The following MAN2B2 variants were observed in gnomAD, a reference collection of about 807,000 sequenced individuals.
MAN2B2 encodes mannosidase alpha class 2B member 2.
Under a neutral mutation model 117.1 loss-of-function variants are expected in MAN2B2, and 106 were observed. That is an observed-to-expected ratio of 0.90 (90% CI 0.77 to 1.06). The LOEUF (loss-of-function observed/expected upper bound fraction) is 1.06. Ranked by LOEUF, MAN2B2 falls within the 50% of genes least tolerant of loss-of-function variation. The probability of loss-of-function intolerance (pLI) is 0.00; values close to 1 mark genes in which losing one functional copy is unlikely to be tolerated. For missense variants in MAN2B2, 1,326 were observed against 1,381.4 expected (o/e 0.96, Z 0.64); for synonymous variants, 544 against 595.1 (o/e 0.91, Z 1.25).
chr4:6,600,540 C>T (rs967078580), intron 9 of MAN2B2, 83 bp from the exon 10 acceptor site: 29 of 1,516,226 alleles, frequency 1.9e-5, no homozygotes, highest in Non-Finnish European at 2.4e-5. Flanking sequence ...CTCAGTTTCC[C>T]TCATACTGAG....
chr4:6,581,100 G>C (rs758353700), intron 3 of MAN2B2, among the ~76,000 whole-genome samples: 2 of 152,016 alleles, frequency 1.3e-5, no homozygotes, highest in Non-Finnish European at 2.9e-5. Context: ...CAGTCCTCAG[G>C]GCAATCTGGT....
chr4:6,579,057 CCACCA>C (rs1726200473), intron 3 of MAN2B2, among the ~76,000 whole-genome samples: 1 of 88,996 alleles, frequency 1.1e-5, no homozygotes, highest in Admixed American at 1.1e-4. Context: ...ACCATCACCA[CCACCA>C]TCACCATCAC....
chr4:6,607,341 G>A (rs987094241), intron 11 of MAN2B2, among the ~76,000 whole-genome samples: 1 of 152,084 alleles, frequency 6.6e-6, no homozygotes, highest in South Asian at 2.1e-4. Context: ...TGAGTAGCTG[G>A]GATTACATGT....
intron 17 of MAN2B2, chr4:6,618,660 C>T (rs1369850559): frequency 6.6e-6 from 1 of 152,376 alleles, no homozygotes; most frequent in Admixed American, 6.5e-5. Flanking sequence ...CACGCTCCCT[C>T]CCCAGAAGGC....
At position 6,576,694 on chromosome 4, in the gene MAN2B2, T is replaced by C. The variant is rs1560632440; in HGVS notation, c.255T>C (p.Asp85=). The change falls in exon 2 of 19, where the codon GAT becomes GAC. Residue 85 remains aspartate, a synonymous_variant. Transcript: ENST00000285599. Reference sequence around the variant, plus strand: ...AGGAGTTTTTCCGGCTGTGGTGGGATGGCGTCGCCTCGGACCAGCAGAAAT... The same window carrying C: ...AGGAGTTTTTCCGGCTGTGGTGGGACGGCGTCGCCTCGGACCAGCAGAAAT... ...VEQEFFRLWW[D]GVASDQQKYQ... The C allele has an allele frequency of 6.2e-7, 1 of 1,613,938 alleles. No individual in the cohort carries two copies. The highest frequency in any genetic ancestry group is 2.2e-5 in the East Asian group (1 of 44,862).
chr4:6,616,402 C>T (rs749955142), intron 16 of MAN2B2, among the ~76,000 whole-genome samples: 4 of 152,154 alleles, frequency 2.6e-5, no homozygotes, highest in Admixed American at 6.5e-5. Flanking sequence ...GGGTGGCTGG[C>T]GTATGCTGCA....
chr4:6,614,456 T>C (rs919453831), intron 16 of MAN2B2, 101 bp downstream of exon 16: 9 of 1,405,838 alleles, frequency 6.4e-6, no homozygotes, highest in African/African-American at 4.3e-5. Flanking sequence ...AGAGCTATCA[T>C]GGCTCTGCAA....
intron 18 of MAN2B2, chr4:6,620,346 C>T (rs562205858): frequency 2.3e-5 from 7 of 308,588 alleles, no homozygotes; most frequent in Middle Eastern, 1.1e-3. Flanking sequence ...GGCTTCTGCC[C>T]ACCTTGGCCC....
rs765802185 is a variant in MAN2B2 at position 6,610,910 on chromosome 4, A to G, written c.2290A>G (p.Met764Val). 2.5e-6 allele frequency: 4 copies of G among 1,614,192 alleles called. No homozygotes were observed. The highest frequency in any genetic ancestry group is 4.5e-5 in the East Asian group (2 of 44,880). The stretch of plus-strand genomic sequence containing the variant: ...CTACCCCATGGTTCAGTCGGCCTTC[A>G]TGGAGGATGGCAAAAGCAGGCTTGT... ...NYYPMVQSAF[M>V]EDGKSRLVLL... Residue 764 changes from methionine to valine, a missense_variant, in exon 14 of 19, where the codon ATG (methionine) becomes GTG (valine). Coordinates refer to ENST00000285599, the MANE Select transcript of MAN2B2 (RefSeq NM_015274.3).
intron 11 of MAN2B2, 124 bp from the exon 12 acceptor site, chr4:6,608,983 C>G: frequency 1.2e-6 from 1 of 813,212 alleles, no homozygotes; most frequent in Non-Finnish European, 1.9e-6. Context: ...TGAGCTGAGT[C>G]ACATGGCCTC....
At chr4:6,603,289 T>G (rs1727406527) in intron 10 of MAN2B2, among the ~76,000 whole-genome samples, 1 of 151,930 alleles carries the variant, frequency 6.6e-6, no homozygotes, top group Non-Finnish European at 1.5e-5. Context: ...GAGGAGGGGC[T>G]GACATCACTC....
chr4:6,579,301 T>G (rs200367771), intron 3 of MAN2B2, among the ~76,000 whole-genome samples: 1 of 15,802 alleles, frequency 6.3e-5, no homozygotes, highest in Admixed American at 7.3e-4. Context: ...ACCACCACCA[T>G]CACCACCACC....
intron 4 of MAN2B2, 136 bp downstream of exon 4, chr4:6,587,304 GT>G: frequency 1.8e-6 from 2 of 1,089,016 alleles, no homozygotes; most frequent in Non-Finnish European, 2.6e-6. Flanking sequence ...CCGCGGGGCT[GT>G]CCCCTAACCT....
chr4:6,584,173 G>A (rs1488588634), intron 3 of MAN2B2, among the ~76,000 whole-genome samples: 2 of 152,228 alleles, frequency 1.3e-5, no homozygotes, highest in Non-Finnish European at 2.9e-5. Context: ...GGTGGGGGAA[G>A]AGCCCTCCCC....
At chr4:6,605,762 A>G (rs1041713141) in intron 11 of MAN2B2, among the ~76,000 whole-genome samples, 1 of 151,192 alleles carries the variant, frequency 6.6e-6, no homozygotes, top group Non-Finnish European at 1.5e-5. Context: ...TTATCCATCC[A>G]TCCACCCAAT....
At chr4:6,614,894 G>C (rs1217605534) in intron 16 of MAN2B2, among the ~76,000 whole-genome samples, 2 of 152,344 alleles carry the variant, frequency 1.3e-5, no homozygotes, top group East Asian at 1.9e-4. Flanking sequence ...AGGCAGTAAT[G>C]ACAAGGACAA....
chr4:6,603,352 G>A (rs1727408930), intron 10 of MAN2B2, among the ~76,000 whole-genome samples: 2 of 151,732 alleles, frequency 1.3e-5, no homozygotes, highest in South Asian at 4.2e-4. Context: ...CCTGGGCTGG[G>A]TGCTGGGCCC....
chr4:6,617,161 C>G (rs1208447332), intron 16 of MAN2B2, among the ~76,000 whole-genome samples: 2 of 152,158 alleles, frequency 1.3e-5, no homozygotes, highest in Non-Finnish European at 2.9e-5. Flanking sequence ...AAGACTCACC[C>G]CCATGATTCA....
chr4:6,609,086 T>A (rs200178584), intron 11 of MAN2B2, 21 bp from the exon 12 acceptor site: 2 of 1,603,182 alleles, frequency 1.2e-6, no homozygotes, highest in African/African-American at 1.3e-5. Context: ...GAATGACATC[T>A]TCTCTCTCCT....
Sources: allele counts gnomAD v4.1 joint callset (sites outside exome capture counted in the v4.1 genomes callset), GRCh38; gene constraint gnomAD v4.1.1; transcripts MANE v1.5; gene names NCBI Gene and HGNC (gene_info 2026-07-23, HGNC 2026-07-21).